RNF144B: variants seen among roughly 807,000 people sequenced by gnomAD.
RNF144B encodes ring finger protein 144B.
Under a neutral mutation model 40.2 loss-of-function variants are expected in RNF144B, and 25 were observed. That is an observed-to-expected ratio of 0.62 (90% CI 0.45 to 0.87). The LOEUF is 0.87. Among genes scored for constraint, RNF144B ranks in the 40% least tolerant of loss-of-function variants. The pLI, the probability that RNF144B is intolerant of heterozygous loss-of-function variation, is 0.00. For synonymous variants in RNF144B, 145 were observed against 136.3 expected (o/e 1.06, Z -0.44); for missense variants, 365 against 373.7 (o/e 0.98, Z 0.19).
intron 4 of RNF144B, among the ~76,000 whole-genome samples, chr6:18,454,898 T>C (rs763659974): frequency 7.2e-5 from 11 of 152,248 alleles, no homozygotes; most frequent in Non-Finnish European, 5.9e-5. Flanking sequence ...TCACTAGGGA[T>C]GCTATAAATT....
intron 2 of RNF144B, among the ~76,000 whole-genome samples, chr6:18,421,321 T>C (rs1209150449): frequency 4.1e-5 from 6 of 145,782 alleles, no homozygotes; most frequent in African/African-American, 5.2e-5. Context: ...CACACATATA[T>C]ATAAAATAAA....
intron 2 of RNF144B, among the ~76,000 whole-genome samples, chr6:18,409,711 C>T (rs1794996315): frequency 6.6e-6 from 1 of 151,900 alleles, no homozygotes; most frequent in Admixed American, 6.6e-5. Flanking sequence ...GCTGGGATTA[C>T]AGGCAGGTGC....
Position 18,446,530 on chromosome 6 carries a change from A to T in RNF144B, c.331+6786A>T, listed in dbSNP as rs7747252. Among the ~76,000 whole-genome samples the T allele has an allele frequency of 0.12, 19,017 of 152,214 alleles. 1,368 individuals are homozygous for T. The highest frequency in any genetic ancestry group is 0.19 in the Admixed American group (2,955 of 15,286). ...AACACCTGAATGTAGGGCTGAACAAAATAGAACTTGGCTACATATGCTACC... is the reference window on the plus strand; with the variant it reads ...AACACCTGAATGTAGGGCTGAACAATATAGAACTTGGCTACATATGCTACC... On this transcript the variant is annotated intron_variant, in intron 4 of 7. Transcript: ENST00000259939. The surrounding 1 kb of genome is among the most constrained non-coding windows in gnomAD (Gnocchi z 4.7).
chr6:18,439,126 T>C (rs1185224162), intron 3 of RNF144B, among the ~76,000 whole-genome samples: 1 of 152,186 alleles, frequency 6.6e-6, no homozygotes, highest in African/African-American at 2.4e-5. Context: ...GCATTTCTTT[T>C]CTACCAGAGT....
chr6:18,393,359 G>A (rs545626625), intron 1 of RNF144B, among the ~76,000 whole-genome samples: 28 of 152,284 alleles, frequency 1.8e-4, no homozygotes, highest in African/African-American at 5.5e-4. Flanking sequence ...CACAAAGGAG[G>A]TCTACCATAA....
In RNF144B at chr6:18,418,277, C is replaced by G. The variant is rs937026789; in HGVS notation, c.166-9304C>G. On this transcript the variant is annotated intron_variant, in intron 2 of 7. Transcript: ENST00000259939. This position sits in a 1 kb window ranked among gnomAD's most constrained non-coding sequence, Gnocchi z 5.2. ...ATGTATGTCCACATGAAAACTTGCTCATAGCAGCATAATTCATAATACCAC... is the reference window on the plus strand; with the variant it reads ...ATGTATGTCCACATGAAAACTTGCTGATAGCAGCATAATTCATAATACCAC... 6.6e-6 allele frequency among the ~76,000 whole-genome samples: 1 copy of G among 152,200 alleles called. No homozygotes were observed. Among genetic ancestry groups the G allele is most frequent in the African/African-American group, 2.4e-5 (1 of 41,454 alleles).
rs184639390 is a variant in RNF144B, at chr6:18,389,539, G to C, written c.-37+1909G>C. Among the ~76,000 whole-genome samples the C allele has an allele frequency of 2.8e-3, 433 of 152,252 alleles. 5 individuals carry two copies. Among genetic ancestry groups the C allele is most frequent in the African/African-American group, 9.9e-3 (410 of 41,536 alleles). ...ATATGTATGTCAGAATCCTTTCTCCGAAGTGTTTCTGCTAATCCTGGCTTC... is the reference window on the plus strand; with the variant it reads ...ATATGTATGTCAGAATCCTTTCTCCCAAGTGTTTCTGCTAATCCTGGCTTC... On this transcript the variant is annotated intron_variant, in intron 1 of 7. Coordinates refer to ENST00000259939, the MANE Select transcript of RNF144B (RefSeq NM_182757.4).
chr6:18,449,668 T>C (rs1759164972), intron 4 of RNF144B, among the ~76,000 whole-genome samples: 1 of 150,928 alleles, frequency 6.6e-6, no homozygotes, highest in Non-Finnish European at 1.5e-5. Context: ...TAAAATTGTA[T>C]GTATTTACTG....
At chr6:18,431,898 T>G (rs935644015) in intron 3 of RNF144B, among the ~76,000 whole-genome samples, 1 of 152,244 alleles carries the variant, frequency 6.6e-6, no homozygotes, top group Admixed American at 6.5e-5. Flanking sequence ...TTATGCCTCC[T>G]AAATTTTATC....
intron 3 of RNF144B, among the ~76,000 whole-genome samples, chr6:18,433,438 A>G (rs4716250): frequency 0.13 from 19,423 of 152,284 alleles, 1,393 homozygotes; most frequent in Admixed American, 0.19. Flanking sequence ...AAAACTGTAT[A>G]AGTGGGTAAT....
rs1795004008 is a variant in RNF144B, at chr6:18,410,060, A to G, written c.165+10361A>G. Among the ~76,000 whole-genome samples, 1 of 152,194 alleles carries G rather than the reference A, an allele frequency of 6.6e-6. No individual in the cohort carries two copies. Among genetic ancestry groups the G allele is most frequent in the Non-Finnish European group, 1.5e-5 (1 of 68,040 alleles). On this transcript the variant is annotated intron_variant, in intron 2 of 7. Transcript: ENST00000259939. This position sits in a 1 kb window ranked among gnomAD's most constrained non-coding sequence, Gnocchi z 4.6. The stretch of plus-strand genomic sequence containing the variant: ...CCCCCCTTAAGCATGCCTTTGCCAA[A>G]GTTTAATTCTTCAAACCACATATCA...
intron 2 of RNF144B, among the ~76,000 whole-genome samples, chr6:18,421,315 CATAT>C (rs146251521): frequency 7.0e-5 from 10 of 142,578 alleles, no homozygotes; most frequent in African/African-American, 1.9e-4. Context: ...CACACACACA[CATAT>C]ATATAAAATA....
At chr6:18,449,697 GTA>G (rs70974745) in intron 4 of RNF144B, among the ~76,000 whole-genome samples, 51 of 149,214 alleles carry the variant, frequency 3.4e-4, no homozygotes, top group East Asian at 1.2e-3. Context: ...GTGTTTTGAA[GTA>G]TATATATATA....
Position 18,459,614 on chromosome 6 carries a change from T to G in RNF144B, c.544T>G (p.Phe182Val), listed in dbSNP as rs1247205273. The G allele has an allele frequency of 1.2e-6, 2 of 1,613,602 alleles. No homozygotes were observed. Among genetic ancestry groups the G allele is most frequent in the Admixed American group, 3.3e-5 (2 of 60,004 alleles). The change falls in exon 6 of 8, where the codon TTT (phenylalanine) becomes GTT (valine). Residue 182 changes from phenylalanine to valine, a missense_variant. Coordinates refer to ENST00000259939, the MANE Select transcript of RNF144B (RefSeq NM_182757.4). The surrounding 1 kb of genome is among the most constrained non-coding windows in gnomAD (Gnocchi z 4.2). Reference protein sequence around the residue: ...IVLPTEHRALFGTDAEAPIKQ... With the variant: ...IVLPTEHRALVGTDAEAPIKQ... Reference sequence around the variant, plus strand: ...CATCCATTTTGTTTCTAGAGCCCTCTTTGGGACAGATGCAGAAGCCCCCAT... The same window carrying G: ...CATCCATTTTGTTTCTAGAGCCCTCGTTGGGACAGATGCAGAAGCCCCCAT...
intron 2 of RNF144B, among the ~76,000 whole-genome samples, chr6:18,424,746 T>C (rs1175300071): frequency 6.6e-6 from 1 of 150,604 alleles, no homozygotes; most frequent in Non-Finnish European, 1.5e-5. Flanking sequence ...TTAGTTCCTA[T>C]TTAATGCTAA....
Position 18,464,930 on chromosome 6 carries a change from G to A in RNF144B, c.775G>A (p.Val259Met). 3 of 1,613,904 alleles carry A rather than the reference G, an allele frequency of 1.9e-6. No homozygotes were observed. The highest frequency in any genetic ancestry group is 2.5e-6 in the Non-Finnish European group (3 of 1,179,884). The change falls in exon 8 of 8, where the codon GTG (valine) becomes ATG (methionine). Residue 259 changes from valine (V) to methionine (M), a missense_variant. By Grantham distance (21) the Val-to-Met change is conservative. Coordinates refer to ENST00000259939, the MANE Select transcript of RNF144B (RefSeq NM_182757.4). This position sits in a 1 kb window ranked among gnomAD's most constrained non-coding sequence, Gnocchi z 6.1. ...TGCTTTTCTTTGAAATTTCCAGGTGGTGGGGATTCTCGTAGGCTTGGGCAT... is the reference window on the plus strand; with the variant it reads ...TGCTTTTCTTTGAAATTTCCAGGTGATGGGGATTCTCGTAGGCTTGGGCAT... ...ASVMWNRTQV[V>M]GILVGLGIIA...
intron 3 of RNF144B, among the ~76,000 whole-genome samples, chr6:18,431,018 G>A (rs572191544): frequency 6.6e-5 from 10 of 152,096 alleles, no homozygotes; most frequent in East Asian, 3.9e-4. Flanking sequence ...TGAGGTGGGC[G>A]GATCATGAGG....
chr6:18,396,583 C>G, intron 1 of RNF144B: 1 of 985,314 alleles, frequency 1.0e-6, no homozygotes, highest in Non-Finnish European at 1.2e-6. Flanking sequence ...TGTCATTACC[C>G]TTTTTCTCCT....
Position 18,446,734 on chromosome 6 carries a change from C to T in RNF144B, c.331+6990C>T, listed in dbSNP as rs547369301. Among the ~76,000 whole-genome samples the T allele has an allele frequency of 2.2e-4, 33 of 152,142 alleles. No homozygotes were observed. The highest frequency in any genetic ancestry group is 7.2e-4 in the African/African-American group (30 of 41,506). On this transcript the variant is annotated intron_variant, in intron 4 of 7. Coordinates refer to ENST00000259939, the MANE Select transcript of RNF144B (RefSeq NM_182757.4). This position sits in a 1 kb window ranked among gnomAD's most constrained non-coding sequence, Gnocchi z 4.7. The stretch of plus-strand genomic sequence containing the variant: ...GGTGATGTCCAAAGACATTTTTGAT[C>T]GTCACGACTTGGGTAGGAAGCTACT...
Sources: allele counts gnomAD v4.1 joint callset (sites outside exome capture counted in the v4.1 genomes callset), GRCh38; gene constraint gnomAD v4.1.1; non-coding constraint Gnocchi (gnomAD v3.1); transcripts MANE v1.5; gene names NCBI Gene and HGNC (gene_info 2026-07-23, HGNC 2026-07-21).